The following FCHSD2 variants were observed in gnomAD, a reference collection of about 807,000 sequenced individuals.
The protein encoded by FCHSD2 is F-BAR and double SH3 domains protein 2.
Under a neutral mutation model 108.1 loss-of-function variants are expected in FCHSD2, and 38 were observed. That is an observed-to-expected ratio of 0.35 (90% CI 0.27 to 0.46). FCHSD2 has a LOEUF of 0.46. FCHSD2 is among the 20% of genes least tolerant of loss of function. FCHSD2 has a pLI of 1.00. For synonymous variants in FCHSD2, 279 were observed against 314.7 expected, an observed-to-expected ratio of 0.89 and a Z score of 1.20; for missense variants, 751 against 897.8, an observed-to-expected ratio of 0.84 and a Z score of 2.09.
intron 8 of FCHSD2, among the ~76,000 whole-genome samples, chr11:72,959,169 A>C (rs1386047705): frequency 6.7e-6 from 1 of 149,242 alleles, no homozygotes; most frequent in Non-Finnish European, 1.5e-5. Context: ...TAGAAATTTC[A>C]ATCCTGGTTT....
At chr11:72,874,093 TA>T (rs370494051) in intron 12 of FCHSD2, among the ~76,000 whole-genome samples, 18 of 151,944 alleles carry the variant, frequency 1.2e-4, no homozygotes, top group African/African-American at 3.9e-4. Flanking sequence ...TTTTCTCAAA[TA>T]AAAAAAAATT....
chr11:72,914,393 T>C (rs1855828861), intron 9 of FCHSD2, among the ~76,000 whole-genome samples: 1 of 152,146 alleles, frequency 6.6e-6, no homozygotes, highest in Non-Finnish European at 1.5e-5. Flanking sequence ...AAAAAACTAT[T>C]TTAAAATTCA....
intron 9 of FCHSD2, among the ~76,000 whole-genome samples, chr11:72,903,767 A>C (rs1855576121): frequency 6.6e-6 from 1 of 152,200 alleles, no homozygotes; most frequent in African/African-American, 2.4e-5. Context: ...AAAAAAGTTC[A>C]AAGTAACTCT....
chr11:72,970,921 C>T (rs1235190721), intron 8 of FCHSD2, among the ~76,000 whole-genome samples: 2 of 152,156 alleles, frequency 1.3e-5, no homozygotes, highest in Admixed American at 6.5e-5. Flanking sequence ...AGTGCAGAAG[C>T]TCCAGCTGAC....
chr11:72,923,950 T>TTAA lies in FCHSD2; in HGVS notation c.706-2001_706-2000insTTA, dbSNP rs530661826. On this transcript the variant is annotated intron_variant, in intron 8 of 19. Transcript: ENST00000409418. ...GCAAGACTCAGTCTCAGAAAATAAATAAATAAATAAAGTTGTCTTTTTGTT... is the reference window on the plus strand; with the variant it reads ...GCAAGACTCAGTCTCAGAAAATAAATTAAAAATAAATAAAGTTGTCTTTTTGTT... 5.0e-3 allele frequency among the ~76,000 whole-genome samples: 756 copies of TTAA among 152,076 alleles called. 5 individuals carry two copies. The highest frequency in any genetic ancestry group is 0.017 in the African/African-American group (720 of 41,490).
intron 13 of FCHSD2, among the ~76,000 whole-genome samples, chr11:72,863,789 T>A (rs1854656201): frequency 6.6e-6 from 1 of 152,194 alleles, no homozygotes; most frequent in African/African-American, 2.4e-5. Context: ...ATTTACAACA[T>A]CACACCTATT....
intron 10 of FCHSD2, among the ~76,000 whole-genome samples, chr11:72,898,174 C>A (rs1336143214): frequency 7.9e-5 from 12 of 152,254 alleles, no homozygotes; most frequent in Non-Finnish European, 1.5e-5. Context: ...TATACATATT[C>A]AATTGGGTGT....
At chr11:72,947,756 C>CTTGCTCA (rs1555060347) in intron 8 of FCHSD2, among the ~76,000 whole-genome samples, 2 of 152,158 alleles carry the variant, frequency 1.3e-5, no homozygotes, top group East Asian at 3.8e-4. Flanking sequence ...ATAATTTTCT[C>CTTGCTCA]ATAAAGAAAA....
intron 5 of FCHSD2, among the ~76,000 whole-genome samples, chr11:73,000,462 T>C (rs1360508663): frequency 6.6e-6 from 1 of 152,210 alleles, no homozygotes; most frequent in Non-Finnish European, 1.5e-5. Context: ...TTCTGTGTAA[T>C]AAAATATGTC....
chr11:72,846,468 C>T (rs1861146760), intron 14 of FCHSD2, among the ~76,000 whole-genome samples: 1 of 152,136 alleles, frequency 6.6e-6, no homozygotes, highest in Admixed American at 6.5e-5. Context: ...GCGTGAGCTA[C>T]CGTGCCCAGC....
chr11:72,946,547 TA>T (rs200133588), intron 8 of FCHSD2, among the ~76,000 whole-genome samples: 1 of 151,716 alleles, frequency 6.6e-6, no homozygotes, highest in Non-Finnish European at 1.5e-5. Context: ...AAGTATAATT[TA>T]AAAAAAACTA....
chr11:72,983,918 C>G, intron 8 of FCHSD2, 170 bp downstream of exon 8: 1 of 703,660 alleles, frequency 1.4e-6, no homozygotes, highest in Non-Finnish European at 2.6e-6. Context: ...AAAATTAATT[C>G]CAAATTATCT....
chr11:73,061,141 G>A (rs1304809205), intron 3 of FCHSD2, among the ~76,000 whole-genome samples: 2 of 152,224 alleles, frequency 1.3e-5, no homozygotes, highest in Non-Finnish European at 2.9e-5. Flanking sequence ...TGGTTGGACA[G>A]TGGGTGCAGC....
At chr11:72,855,205 G>A (rs994160489) in intron 13 of FCHSD2, among the ~76,000 whole-genome samples, 3 of 152,110 alleles carry the variant, frequency 2.0e-5, no homozygotes, top group Admixed American at 6.6e-5. Flanking sequence ...CCTGGGAGGC[G>A]GAGGTTGCTG....
At chr11:73,035,292 C>G (rs902581081) in intron 3 of FCHSD2, among the ~76,000 whole-genome samples, 1 of 152,016 alleles carries the variant, frequency 6.6e-6, no homozygotes, top group African/African-American at 2.4e-5. Flanking sequence ...ACCCACCAGG[C>G]TCAAGAGAGT....
Position 73,107,638 on chromosome 11 carries a change from G to A in FCHSD2, c.120-23898C>T, listed in dbSNP as rs553614222. 1.6e-4 allele frequency among the ~76,000 whole-genome samples: 24 copies of A among 152,136 alleles called. No homozygotes were observed. The South Asian group carries it at 4.8e-3, about 30-fold the overall frequency. ...CTCCAGTAAACTTCCTTCTACTCTCGAGTTCCATGAGTTCAAATGTTTTCA... is the reference window on the plus strand; with the variant it reads ...CTCCAGTAAACTTCCTTCTACTCTCAAGTTCCATGAGTTCAAATGTTTTCA... On this transcript the variant is annotated intron_variant, in intron 2 of 19. Transcript: ENST00000409418.
intron 14 of FCHSD2, among the ~76,000 whole-genome samples, chr11:72,847,458 G>C (rs1861176912): frequency 6.6e-6 from 1 of 152,168 alleles, no homozygotes; most frequent in African/African-American, 2.4e-5. Flanking sequence ...ACACAGACAA[G>C]GTAAACATAC....
At chr11:72,908,469 T>C (rs1855680951) in intron 9 of FCHSD2, among the ~76,000 whole-genome samples, 1 of 152,216 alleles carries the variant, frequency 6.6e-6, no homozygotes, top group African/African-American at 2.4e-5. Flanking sequence ...CTGTTTTCCA[T>C]AGCGGTTGTA....
chr11:72,837,155 TTTC>T lies in FCHSD2; in HGVS notation c.*1633_*1635del, dbSNP rs1190117411. On this transcript the variant is annotated 3_prime_UTR_variant, in exon 20 of 20. Transcript: ENST00000409418. ...AATCTTAAAAAAACCACCCTTTTAA[TTTC>T]TTTTTTAAACTTAAGAATAAGTTTG... 1.3e-5 allele frequency: 2 copies of T among 152,196 alleles called. No individual in the cohort carries two copies. Among genetic ancestry groups the T allele is most frequent in the Admixed American group, 6.5e-5 (1 of 15,274 alleles). The allele number at this position is 152,196 out of a possible 1,614,324, so 9.4% of individuals were successfully genotyped here.
Sources: allele counts gnomAD v4.1 joint callset (sites outside exome capture counted in the v4.1 genomes callset), GRCh38; gene constraint gnomAD v4.1.1; transcripts MANE v1.5; gene names NCBI Gene and HGNC (gene_info 2026-07-23, HGNC 2026-07-21).